DPH6: variants seen among roughly 807,000 people sequenced by gnomAD.
DPH6 encodes diphthamine biosynthesis 6.
DPH6 carries 33 observed loss-of-function variants against 38.2 expected under a neutral mutation model. The observed-to-expected ratio is 0.86, with a 90% CI of 0.65 to 1.15. DPH6 has a LOEUF of 1.15. Among genes scored for constraint, DPH6 ranks in the 50% most tolerant of loss-of-function variants. The probability of loss-of-function intolerance (pLI) is 0.00; values close to 1 mark genes in which losing one functional copy is unlikely to be tolerated. For missense variants in DPH6, 325 were observed against 320.0 expected (o/e 1.02, Z -0.12); for synonymous variants, 108 against 103.0 (o/e 1.05, Z -0.30).
At chr15:35,224,715 A>G (rs2051467770) in intron 3 of DPH6, among the ~76,000 whole-genome samples, 1 of 152,182 alleles carries the variant, frequency 6.6e-6, no homozygotes, top group Admixed American at 6.5e-5. Flanking sequence ...CTCTTGTTCC[A>G]TATTCTCACC....
chr15:35,374,448 A>G (rs2052754043), intron 7 of DPH6, among the ~76,000 whole-genome samples: 1 of 152,090 alleles, frequency 6.6e-6, no homozygotes, highest in Non-Finnish European at 1.5e-5. Context: ...TCGCTAATGT[A>G]AAAATATTTT....
the DPH6 span, among the ~76,000 whole-genome samples, chr15:35,176,528 A>G: frequency 2.5e-4 from 38 of 151,248 alleles, no homozygotes; most frequent in African/African-American, 9.2e-4. Context: ...CTGGAGTGCA[A>G]TGGCGTGATC....
chr15:35,186,486 C>T, the DPH6 span, among the ~76,000 whole-genome samples: 6 of 152,180 alleles, frequency 3.9e-5, no homozygotes, highest in Non-Finnish European at 7.3e-5. Context: ...TACCCCTCAG[C>T]TCCTGCTCTC....
At chr15:35,172,594 C>T in the DPH6 span, among the ~76,000 whole-genome samples, 1 of 152,290 alleles carries the variant, frequency 6.6e-6, no homozygotes, top group African/African-American at 2.4e-5. Flanking sequence ...TAGTCTGTGG[C>T]GCCATTCTTT....
At chr15:35,323,008 G>A (rs546418198) in intron 3 of DPH6, among the ~76,000 whole-genome samples, 1 of 152,074 alleles carries the variant, frequency 6.6e-6, no homozygotes, top group South Asian at 2.1e-4. Flanking sequence ...CCTTTGAACA[G>A]AATTTTTAAC....
intron 3 of DPH6, among the ~76,000 whole-genome samples, chr15:35,469,367 G>A (rs138570248): frequency 1.1e-4 from 16 of 152,200 alleles, no homozygotes; most frequent in African/African-American, 3.6e-4. Flanking sequence ...TTTTTAAAAG[G>A]TTGTATAGGA....
rs781433289 is a variant in DPH6 at position 35,373,618 on chromosome 15, A to G, written c.663-10T>C. ...TACTTCTGATGAATCCCTGAAATAC[A>G]AAAATTTTACAATACATTTATATGC... On this transcript the variant is annotated splice_polypyrimidine_tract_variant and intron_variant, in intron 7 of 8. Coordinates refer to ENST00000256538, the MANE Select transcript of DPH6 (RefSeq NM_080650.4). 2 of 1,600,626 alleles carry G rather than the reference A, an allele frequency of 1.2e-6. No homozygotes were observed. Among genetic ancestry groups the G allele is most frequent in the Non-Finnish European group, 1.7e-6 (2 of 1,174,120 alleles).
chr15:35,247,573 G>C (rs2140406512), intron 3 of DPH6, among the ~76,000 whole-genome samples: 1 of 152,300 alleles, frequency 6.6e-6, no homozygotes, highest in East Asian at 1.9e-4. Flanking sequence ...TAATTAATAG[G>C]AACTTCAAGA....
intron 3 of DPH6, among the ~76,000 whole-genome samples, chr15:35,257,109 A>G (rs545363750): frequency 1.3e-5 from 2 of 152,338 alleles, no homozygotes; most frequent in East Asian, 1.9e-4. Flanking sequence ...ACTGGGCATT[A>G]TAAGTGTCAG....
chr15:35,359,077 G>A (rs2052592010), intron 3 of DPH6, among the ~76,000 whole-genome samples: 1 of 152,036 alleles, frequency 6.6e-6, no homozygotes, highest in Non-Finnish European at 1.5e-5. Flanking sequence ...TTGGGGATGG[G>A]GGTGAGATTC....
intron 6 of DPH6, among the ~76,000 whole-genome samples, chr15:35,387,449 C>A (rs573988387): frequency 6.6e-6 from 1 of 152,140 alleles, no homozygotes; most frequent in African/African-American, 2.4e-5. Context: ...GCCATTTTCA[C>A]GATATTGATT....
the DPH6 span, among the ~76,000 whole-genome samples, chr15:35,200,706 C>A: frequency 6.6e-6 from 1 of 151,548 alleles, no homozygotes; most frequent in African/African-American, 2.4e-5. Context: ...AAAACAACAA[C>A]ATCCATGCAT....
rs566602223 is a variant in DPH6, at chr15:35,414,643, T to C, written c.506-3747A>G. ...TTTCAATTTCCCAATCTAGCCTCCATGTTTTAATTGCATTTTCTATTTTTT... is the reference window on the plus strand; with the variant it reads ...TTTCAATTTCCCAATCTAGCCTCCACGTTTTAATTGCATTTTCTATTTTTT... On this transcript the variant is annotated intron_variant, in intron 5 of 8. Coordinates refer to ENST00000256538, the MANE Select transcript of DPH6 (RefSeq NM_080650.4). 2.6e-5 allele frequency among the ~76,000 whole-genome samples: 4 copies of C among 151,872 alleles called. No individual in the cohort carries two copies. The East Asian group carries it at 7.8e-4, about 29-fold the overall frequency.
chr15:35,226,734 C>G (rs991217961), intron 3 of DPH6, among the ~76,000 whole-genome samples: 2 of 152,120 alleles, frequency 1.3e-5, no homozygotes, highest in African/African-American at 4.8e-5. Flanking sequence ...AGAATGAATA[C>G]AGTTAAAATG....
chr15:35,446,993 T>C (rs764998803), intron 5 of DPH6, among the ~76,000 whole-genome samples: 4 of 151,970 alleles, frequency 2.6e-5, no homozygotes, highest in Non-Finnish European at 4.4e-5. Context: ...CTCAGCCTCC[T>C]GAGTAGCTAG....
intron 5 of DPH6, among the ~76,000 whole-genome samples, chr15:35,422,975 G>A (rs775039605): frequency 6.6e-6 from 1 of 151,788 alleles, no homozygotes; most frequent in Non-Finnish European, 1.5e-5. Context: ...TATACACTTA[G>A]GCTGTTTTCA....
chr15:35,322,352 G>T (rs2052247965), intron 3 of DPH6, among the ~76,000 whole-genome samples: 1 of 152,180 alleles, frequency 6.6e-6, no homozygotes. Context: ...AGGGACTATT[G>T]TTATAATTGC....
At chr15:35,237,375 C>G in intron 3 of DPH6, 1 of 1,602,262 alleles carries the variant, frequency 6.2e-7, no homozygotes, top group Admixed American at 1.7e-5. Flanking sequence ...AGGACGCCCT[C>G]TGATGTGAAA....
At chr15:35,400,986 CA>C (rs2053211044) in intron 6 of DPH6, 1 of 951,972 alleles carries the variant, frequency 1.1e-6, no homozygotes, top group South Asian at 1.3e-5. Context: ...ACCAGGTGCC[CA>C]CTCAACTGTG....
Sources: allele counts gnomAD v4.1 joint callset (sites outside exome capture counted in the v4.1 genomes callset), GRCh38; gene constraint gnomAD v4.1.1; transcripts MANE v1.5; gene names NCBI Gene and HGNC (gene_info 2026-07-23, HGNC 2026-07-21).